CMSS1: variants seen among roughly 807,000 people sequenced by gnomAD.
The protein encoded by CMSS1 is cms1 ribosomal small subunit homolog.
Under a neutral mutation model 43.5 loss-of-function variants are expected in CMSS1, and 33 were observed. The ratio of observed to expected loss-of-function variants is 0.76; its 90% CI spans 0.57 to 1.01. The LOEUF (loss-of-function observed/expected upper bound fraction) is 1.01, where lower values mean the gene tolerates loss of function less well. Ranked by LOEUF, CMSS1 falls within the 50% of genes least tolerant of loss-of-function variation. The probability of loss-of-function intolerance (pLI) is 0.00; values close to 1 mark genes in which losing one functional copy is unlikely to be tolerated. For synonymous variants in CMSS1, 115 were observed against 117.2 expected (o/e 0.98, Z 0.12); for missense variants, 313 against 326.4 (o/e 0.96, Z 0.32).
rs1010712822 is a variant in CMSS1 at position 100,178,596 on chromosome 3, G to T, written c.*208G>T. The T allele has an allele frequency of 1.0e-5, 5 of 477,754 alleles. No homozygotes were observed. Among genetic ancestry groups the T allele is most frequent in the East Asian group, 3.4e-5 (1 of 29,118 alleles). 29.6% of individuals were successfully genotyped at this position (477,754 alleles called of 1,614,324 possible). On this transcript the variant is annotated 3_prime_UTR_variant, in exon 10 of 10. Coordinates refer to ENST00000421999, the MANE Select transcript of CMSS1 (RefSeq NM_032359.4). Reference sequence around the variant, plus strand: ...TTATATAATAAAGTATCACCGGCTTGTGTATGATCCTTGTTGAGCGGACCG... The same window carrying T: ...TTATATAATAAAGTATCACCGGCTTTTGTATGATCCTTGTTGAGCGGACCG...
At chr3:100,094,400 A>C (rs2066165345) in intron 1 of CMSS1, among the ~76,000 whole-genome samples, 1 of 152,134 alleles carries the variant, frequency 6.6e-6, no homozygotes, top group Non-Finnish European at 1.5e-5. Flanking sequence ...TTCCCTTAAC[A>C]GGATCTTTCA....
chr3:99,931,483 G>A (rs1321039378), intron 1 of CMSS1, among the ~76,000 whole-genome samples: 1 of 152,096 alleles, frequency 6.6e-6, no homozygotes, highest in Admixed American at 6.6e-5. Flanking sequence ...GCTTTTATGG[G>A]GTTTTTTGTT....
At chr3:99,826,619 T>C (rs962337593) in intron 1 of CMSS1, among the ~76,000 whole-genome samples, 1 of 152,208 alleles carries the variant, frequency 6.6e-6, no homozygotes, top group Non-Finnish European at 1.5e-5. Flanking sequence ...AGTCACATCG[T>C]GAATTGTATG....
intron 1 of CMSS1, among the ~76,000 whole-genome samples, chr3:100,079,731 C>G (rs958267542): frequency 1.3e-5 from 2 of 151,666 alleles, no homozygotes; most frequent in Non-Finnish European, 2.9e-5. Context: ...CACTTTAGAA[C>G]AAAAATTAAT....
intron 1 of CMSS1, among the ~76,000 whole-genome samples, chr3:99,983,422 A>ATATATATATATATG (rs1559713456): frequency 1.3e-4 from 11 of 86,928 alleles, no homozygotes; most frequent in South Asian, 1.2e-3. Flanking sequence ...ATATATATGT[A>ATATATATATATATG]TGTATGTATG....
intron 1 of CMSS1, among the ~76,000 whole-genome samples, chr3:99,835,966 G>A (rs1198372307): frequency 6.6e-6 from 1 of 152,186 alleles, no homozygotes; most frequent in Non-Finnish European, 1.5e-5. Flanking sequence ...TGGGAGGATA[G>A]TTAGTATGGT....
At chr3:99,947,234 G>C (rs776162608) in intron 1 of CMSS1, among the ~76,000 whole-genome samples, 2 of 151,266 alleles carry the variant, frequency 1.3e-5, no homozygotes, top group Non-Finnish European at 1.5e-5. Flanking sequence ...ATTCAACCAC[G>C]CAGAGATTTA....
At chr3:100,134,023 A>G (rs181459289) in intron 1 of CMSS1, among the ~76,000 whole-genome samples, 1 of 152,304 alleles carries the variant, frequency 6.6e-6, no homozygotes, top group East Asian at 1.9e-4. Context: ...TAACAGAAGT[A>G]CTGTGTTTTT....
At chr3:100,073,944 T>C (rs994861556) in intron 1 of CMSS1, among the ~76,000 whole-genome samples, 1 of 152,242 alleles carries the variant, frequency 6.6e-6, no homozygotes, top group Admixed American at 6.5e-5. Context: ...ATGGTTTTCC[T>C]GTTTCCTTTC....
intron 1 of CMSS1, among the ~76,000 whole-genome samples, chr3:99,978,508 A>T (rs1398992254): frequency 6.6e-6 from 1 of 152,254 alleles, no homozygotes; most frequent in Non-Finnish European, 1.5e-5. Context: ...CCTGGAGGGC[A>T]TATTGTTAAG....
chr3:99,864,950 T>C (rs1432602330), intron 1 of CMSS1, among the ~76,000 whole-genome samples: 2 of 152,224 alleles, frequency 1.3e-5, no homozygotes, highest in African/African-American at 2.4e-5. Context: ...AGTCAATCAT[T>C]GGTCTATTTT....
At chr3:99,927,897 G>A (rs1193804317) in intron 1 of CMSS1, among the ~76,000 whole-genome samples, 1 of 152,044 alleles carries the variant, frequency 6.6e-6, no homozygotes, top group African/African-American at 2.4e-5. Context: ...TTCATCTTAA[G>A]TCAGTGTTCC....
intron 1 of CMSS1, among the ~76,000 whole-genome samples, chr3:99,918,478 A>C (rs1171601159): frequency 6.6e-6 from 1 of 152,188 alleles, no homozygotes; most frequent in Admixed American, 6.5e-5. Flanking sequence ...GTATGTTCAA[A>C]TACACATTCA....
intron 1 of CMSS1, among the ~76,000 whole-genome samples, chr3:99,835,272 A>G (rs1162584360): frequency 6.6e-6 from 1 of 152,172 alleles, no homozygotes; most frequent in African/African-American, 2.4e-5. Context: ...TCCTTATGCT[A>G]CTTTGTCTGG....
intron 1 of CMSS1, among the ~76,000 whole-genome samples, chr3:99,995,674 C>T (rs1253810965): frequency 6.6e-6 from 1 of 152,238 alleles, no homozygotes; most frequent in Non-Finnish European, 1.5e-5. Flanking sequence ...CATCTTCTGA[C>T]ATCTAGGCAG....
Position 99,870,319 on chromosome 3 carries a change from C to T in CMSS1, c.64+52276C>T, listed in dbSNP as rs372307487. Reference sequence around the variant, plus strand: ...CACCGTTGAGACACTAACATTTATCCCTGTCAATTCAGTGTCACTATTCAG... The same window carrying T: ...CACCGTTGAGACACTAACATTTATCTCTGTCAATTCAGTGTCACTATTCAG... On this transcript the variant is annotated intron_variant, in intron 1 of 9. Transcript: ENST00000421999. 6.3e-4 allele frequency among the ~76,000 whole-genome samples: 96 copies of T among 152,270 alleles called. 1 individual carries two copies. In the South Asian group the frequency reaches 0.019, roughly 31 times the overall value.
chr3:99,938,218 C>A (rs1342975559), intron 1 of CMSS1, among the ~76,000 whole-genome samples: 2 of 152,208 alleles, frequency 1.3e-5, no homozygotes, highest in Non-Finnish European at 2.9e-5. Flanking sequence ...TATCCCTCAC[C>A]CCCAGCCCTC....
At chr3:100,053,945 T>G (rs1278595516) in intron 1 of CMSS1, among the ~76,000 whole-genome samples, 2 of 152,250 alleles carry the variant, frequency 1.3e-5, no homozygotes, top group Non-Finnish European at 2.9e-5. Context: ...GCATTGACTC[T>G]GGCCCACACT....
intron 1 of CMSS1, among the ~76,000 whole-genome samples, chr3:100,123,416 C>G (rs2066637452): frequency 6.6e-6 from 1 of 152,092 alleles, no homozygotes; most frequent in Non-Finnish European, 1.5e-5. Flanking sequence ...GTTAGGGGAG[C>G]CCTGGGGGTG....
Sources: gnomAD v4.1 joint callset for allele counts (sites outside exome capture counted in the v4.1 genomes callset) on GRCh38, gnomAD v4.1.1 for gene constraint, MANE v1.5 for transcripts, NCBI Gene and HGNC (gene_info 2026-07-23, HGNC 2026-07-21) for gene names.